Variants in PDS5A observed in about 807,000 individuals in gnomAD.
PDS5A encodes the protein PDS5 cohesin associated factor A, also known as sister chromatid cohesion protein PDS5 homolog A.
A neutral mutation model predicts 167.1 loss-of-function variants in PDS5A; 42 were observed. The ratio of observed to expected loss-of-function variants is 0.25; its 90% confidence interval spans 0.20 to 0.33. The LOEUF (loss-of-function observed/expected upper bound fraction) is 0.33. Ranked by LOEUF, PDS5A falls within the 10% of genes least tolerant of loss-of-function variation. PDS5A has a pLI of 1.00. For missense variants in PDS5A, 1,033 were observed against 1,605.9 expected (o/e 0.64, Z 6.10); for synonymous variants, 553 against 554.6 (o/e 1.00, Z 0.04).
intron 21 of PDS5A, among the ~76,000 whole-genome samples, chr4:39,870,613 A>T (rs957603358): frequency 1.3e-5 from 2 of 151,480 alleles, no homozygotes. Context: ...AAAATAAAAT[A>T]AAATAAGAGT....
chr4:39,836,989 CTT>C (rs71194932), intron 32 of PDS5A: 21 of 98,360 alleles, frequency 2.1e-4, no homozygotes, highest in South Asian at 3.8e-4. Context: ...TTTGCATTTC[CTT>C]TTTTTTTTTT....
chr4:39,866,164 G>A (rs1030998105), intron 23 of PDS5A, among the ~76,000 whole-genome samples: 1 of 152,132 alleles, frequency 6.6e-6, no homozygotes, highest in African/African-American at 2.4e-5. Flanking sequence ...GCCCAGGCTG[G>A]AGTGCGGTGG....
chr4:39,900,144 T>G (rs1323224665), intron 14 of PDS5A, among the ~76,000 whole-genome samples: 2 of 152,184 alleles, frequency 1.3e-5, no homozygotes, highest in African/African-American at 2.4e-5. Flanking sequence ...ATCTCAAAAT[T>G]TAATTCTAAT....
At chr4:39,869,068 A>G (rs767810038) in intron 22 of PDS5A, among the ~76,000 whole-genome samples, 2 of 152,252 alleles carry the variant, frequency 1.3e-5, no homozygotes, top group Non-Finnish European at 2.9e-5. Flanking sequence ...AGACACTGAC[A>G]TGTAATAAAC....
intron 16 of PDS5A, among the ~76,000 whole-genome samples, chr4:39,891,523 C>CT (rs1721961998): frequency 6.6e-6 from 1 of 151,986 alleles, no homozygotes; most frequent in Admixed American, 6.6e-5. Context: ...TGGCGCATGC[C>CT]TGTAATCCCA....
In PDS5A at chr4:39,898,791, AG is replaced by A; in HGVS notation, c.1615del (p.Leu539Ter). The A allele has an allele frequency of 6.3e-7, 1 of 1,588,196 alleles. No individual in the cohort carries two copies. The highest frequency in any genetic ancestry group is 1.7e-4 in the Middle Eastern group (1 of 6,028). On this transcript the variant is annotated frameshift_variant, in exon 15 of 33. Coordinates refer to ENST00000303538, the MANE Select transcript of PDS5A (RefSeq NM_001100399.2). LOFTEE classifies it high-confidence loss of function. ...AACATACTCACTTGCTATGGTCATC[AG>A]TTTTCCAAACATGGCAGAACAGTTA... ...EANCSAMFGK[L>X]MTIAKNLPDP...
chr4:39,950,689 A>C (rs1560511414), intron 2 of PDS5A, among the ~76,000 whole-genome samples: 2 of 151,990 alleles, frequency 1.3e-5, no homozygotes, highest in Non-Finnish European at 2.9e-5. Flanking sequence ...ATGGGTTCAA[A>C]AGATTCTCCT....
At chr4:39,862,169 T>C (rs553437120) in intron 26 of PDS5A, 50 bp downstream of exon 26, 1 of 682,284 alleles carries the variant, frequency 1.5e-6, no homozygotes, top group Admixed American at 3.3e-5. Context: ...TTACCATTTT[T>C]TGAAAACTAA....
chr4:39,973,522 T>A lies in PDS5A; in HGVS notation c.138+2918A>T, dbSNP rs546641027. The A allele has an allele frequency of 5.2e-6, 7 of 1,339,548 alleles. No homozygotes were observed. The Admixed American group carries it at 6.7e-5, about 13-fold the overall frequency. 83.0% of individuals were successfully genotyped at this position (1,339,548 alleles called of 1,614,324 possible). A position where few individuals can be genotyped will look rare whatever the true frequency, so the allele number is the denominator to read the frequency against. On this transcript the variant is annotated intron_variant, in intron 2 of 32. Transcript: ENST00000303538. Reference sequence around the variant, plus strand: ...TGATGAACGTCTCCAGAAAGAGTTTTCTCCATTTGGTACAATCACTAGTGC... The same window carrying A: ...TGATGAACGTCTCCAGAAAGAGTTTACTCCATTTGGTACAATCACTAGTGC...
Position 39,977,840 on chromosome 4 carries a change from G to A in PDS5A, c.-424C>T, listed in dbSNP as rs954775125. The A allele has an allele frequency of 4.0e-5, 6 of 149,268 alleles. No individual in the cohort carries two copies. The highest frequency in any genetic ancestry group is 7.5e-5 in the Non-Finnish European group (5 of 66,898). 9.2% of individuals were successfully genotyped at this position (149,268 alleles called of 1,614,324 possible). A position where few individuals can be genotyped will look rare whatever the true frequency, so the allele number is the denominator to read the frequency against. The stretch of plus-strand genomic sequence containing the variant: ...ACGCCCCTCGCAGAGGCGCGCGCCC[G>A]GCCGTCCGTGCCCCGGGAGCCGGGG... On this transcript the variant is annotated 5_prime_UTR_variant, in exon 1 of 33. Transcript: ENST00000303538. The surrounding 1 kb of genome is among the most constrained non-coding windows in gnomAD (Gnocchi z 4.2).
At chr4:39,836,615 A>ATTTTTTTTTT (rs71645192) in intron 32 of PDS5A, among the ~76,000 whole-genome samples, 719 of 105,962 alleles carry the variant, frequency 6.8e-3, no homozygotes, top group Non-Finnish European at 8.1e-3. Flanking sequence ...ATTTTTTTCT[A>ATTTTTTTTTT]TTTTTTTTTT....
At chr4:39,966,108 AT>A (rs1321524614) in intron 2 of PDS5A, among the ~76,000 whole-genome samples, 1 of 152,198 alleles carries the variant, frequency 6.6e-6, no homozygotes, top group Non-Finnish European at 1.5e-5. Context: ...TTAGGACATG[AT>A]TTTAAGAAAT....
intron 11 of PDS5A, among the ~76,000 whole-genome samples, chr4:39,905,644 C>T (rs184895782): frequency 1.3e-5 from 2 of 151,992 alleles, no homozygotes; most frequent in Admixed American, 1.3e-4. Flanking sequence ...AAGAGAGGGA[C>T]CAAAACAAAC....
intron 31 of PDS5A, among the ~76,000 whole-genome samples, chr4:39,840,954 C>T (rs569076131): frequency 6.6e-6 from 1 of 152,174 alleles, no homozygotes; most frequent in East Asian, 1.9e-4. Context: ...CGGGGTTTCA[C>T]CATGTTGGCC....
chr4:39,913,520 A>G, intron 9 of PDS5A, 91 bp downstream of exon 9: 2 of 670,260 alleles, frequency 3.0e-6, no homozygotes, highest in East Asian at 2.5e-5. Context: ...TCTATTAATG[A>G]AAGTTTTGAT....
At chr4:39,923,657 A>ACACACACACACACACACACC (rs1725213797) in intron 5 of PDS5A, among the ~76,000 whole-genome samples, 1 of 151,724 alleles carries the variant, frequency 6.6e-6, no homozygotes, top group Non-Finnish European at 1.5e-5. Flanking sequence ...ACACACACAC[A>ACACACACACACACACACACC]CACACACACA....
chr4:39,825,592 T>G lies in PDS5A; in HGVS notation c.4011-104A>C. 2 of 935,832 alleles carry G rather than the reference T, an allele frequency of 2.1e-6. 1 individual carries two copies. The highest frequency in any genetic ancestry group is 3.9e-5 in the South Asian group (2 of 51,878). 58.0% of individuals were successfully genotyped at this position (935,832 alleles called of 1,614,324 possible). A position where few individuals can be genotyped will look rare whatever the true frequency, so the allele number is the denominator to read the frequency against. Reference sequence around the variant, plus strand: ...TAGTTGTTATCTAAAATCTTTTTTTTTTTTTTTAAACTTAAGCATCAGGAT... The same window carrying G: ...TAGTTGTTATCTAAAATCTTTTTTTGTTTTTTTAAACTTAAGCATCAGGAT... On this transcript the variant is annotated intron_variant, in intron 32 of 32. Coordinates refer to ENST00000303538, the MANE Select transcript of PDS5A (RefSeq NM_001100399.2).
At chr4:39,879,976 T>C in intron 17 of PDS5A, 143 bp from the exon 18 acceptor site, 2 of 512,420 alleles carry the variant, frequency 3.9e-6, no homozygotes, top group Non-Finnish European at 6.9e-6. Context: ...CCTTGTCCTC[T>C]ACTTGATAAC....
At chr4:39,959,143 T>C (rs1417334225) in intron 2 of PDS5A, among the ~76,000 whole-genome samples, 8 of 152,192 alleles carry the variant, frequency 5.3e-5, no homozygotes. Context: ...ATTACAATCA[T>C]CTCAAAATAT....
Sources: gnomAD v4.1 joint callset for allele counts (sites outside exome capture counted in the v4.1 genomes callset) on GRCh38, gnomAD v4.1.1 for gene constraint, Gnocchi (gnomAD v3.1) non-coding constraint, MANE v1.5 for transcripts, NCBI Gene and HGNC (gene_info 2026-07-23, HGNC 2026-07-21) for gene names.